PREX1: variants seen among roughly 807,000 people sequenced by gnomAD.
PREX1 encodes phosphatidylinositol 3,4,5-trisphosphate-dependent Rac exchanger 1 protein.
PREX1 carries 41 observed loss-of-function variants against 198.3 expected under a neutral mutation model. The observed-to-expected ratio is 0.21, with a 90% CI of 0.16 to 0.27. PREX1 has a LOEUF of 0.27. Among genes scored for constraint, PREX1 ranks in the 10% least tolerant of loss-of-function variants. The probability of loss-of-function intolerance (pLI) is 1.00; values close to 1 mark genes in which losing one functional copy is unlikely to be tolerated. For synonymous variants in PREX1, 843 were observed against 887.2 expected, an observed-to-expected ratio of 0.95 and a Z score of 0.89; for missense variants, 1,620 against 2,200.7, an observed-to-expected ratio of 0.74 and a Z score of 5.28.
intron 3 of PREX1, among the ~76,000 whole-genome samples, chr20:48,737,963 GT>G (rs1334408843): frequency 6.6e-6 from 1 of 152,178 alleles, no homozygotes; most frequent in African/African-American, 2.4e-5. Flanking sequence ...TCCTGTATTT[GT>G]TTAAGCCTAT....
chr20:48,760,541 G>T (rs969180253), intron 1 of PREX1, among the ~76,000 whole-genome samples: 4 of 152,222 alleles, frequency 2.6e-5, no homozygotes, highest in Admixed American at 6.5e-5. Context: ...AACAAAAAGG[G>T]GGGGAGGAGT....
At chr20:48,628,488 A>C (rs1042560841) in intron 37 of PREX1, among the ~76,000 whole-genome samples, 2 of 152,138 alleles carry the variant, frequency 1.3e-5, no homozygotes, top group African/African-American at 4.8e-5. Flanking sequence ...ATTAACTATG[A>C]AACAGGGAGC....
intron 1 of PREX1, among the ~76,000 whole-genome samples, chr20:48,815,768 T>C (rs575245372): frequency 8.6e-4 from 130 of 151,658 alleles, no homozygotes; most frequent in African/African-American, 3.0e-3. Flanking sequence ...ACTTTGGGAG[T>C]CAGCCGAGTG....
the PREX1 span, among the ~76,000 whole-genome samples, chr20:48,882,197 T>A: frequency 6.6e-6 from 1 of 152,064 alleles, no homozygotes; most frequent in Non-Finnish European, 1.5e-5. Context: ...GTATTATGAA[T>A]TATGTTGTTA....
chr20:48,849,907 G>A, the PREX1 span, among the ~76,000 whole-genome samples: 1 of 152,102 alleles, frequency 6.6e-6, no homozygotes, highest in East Asian at 1.9e-4. Flanking sequence ...AGTTGTAGTG[G>A]GGTGGTTATG....
chr20:48,699,867 C>T (rs1358040070), intron 7 of PREX1, among the ~76,000 whole-genome samples: 7 of 152,188 alleles, frequency 4.6e-5, no homozygotes, highest in Non-Finnish European at 1.5e-5. Flanking sequence ...ATCTATTCCT[C>T]CATCCAGCCA....
intron 6 of PREX1, among the ~76,000 whole-genome samples, chr20:48,706,599 G>A (rs189475107): frequency 1.3e-5 from 2 of 152,224 alleles, no homozygotes; most frequent in Admixed American, 6.5e-5. Context: ...TGTCTCCTCC[G>A]GTTTTGAACA....
At chr20:48,667,982 G>A (rs192518637) in intron 14 of PREX1, among the ~76,000 whole-genome samples, 17 of 152,276 alleles carry the variant, frequency 1.1e-4, no homozygotes, top group Middle Eastern at 6.8e-3. Flanking sequence ...AGCATTTCCC[G>A]GTGCCAGTTC....
intron 9 of PREX1, among the ~76,000 whole-genome samples, chr20:48,689,775 G>A (rs1018812048): frequency 2.0e-5 from 3 of 152,216 alleles, no homozygotes; most frequent in Non-Finnish European, 2.9e-5. Context: ...TTGGTGCAAC[G>A]TTTAGGATCA....
At chr20:48,803,095 A>G (rs77303587) in intron 1 of PREX1, among the ~76,000 whole-genome samples, 8,488 of 152,316 alleles carry the variant, frequency 0.056, 312 homozygotes, top group African/African-American at 0.094. Context: ...CAGGTAGTTC[A>G]GAGGTATAGT....
intron 10 of PREX1, among the ~76,000 whole-genome samples, chr20:48,687,776 C>A (rs1318139062): frequency 6.6e-6 from 1 of 152,192 alleles, no homozygotes; most frequent in Non-Finnish European, 1.5e-5. Flanking sequence ...CTACCTCTCC[C>A]GTGCCCCAGC....
intron 1 of PREX1, among the ~76,000 whole-genome samples, chr20:48,767,377 A>G (rs2090213533): frequency 6.6e-6 from 1 of 152,096 alleles, no homozygotes; most frequent in Non-Finnish European, 1.5e-5. Context: ...GAGAAGCATG[A>G]AGAAGCCCCC....
At chr20:48,645,703 T>A (rs1348920679) in intron 26 of PREX1, 148 bp downstream of exon 26, 2 of 899,182 alleles carry the variant, frequency 2.2e-6, no homozygotes, top group Non-Finnish European at 3.3e-6. Context: ...TCTCAGATAA[T>A]CCCCCAGAAC....
At chr20:48,631,140 T>C (rs993940853) in intron 35 of PREX1, among the ~76,000 whole-genome samples, 5 of 152,236 alleles carry the variant, frequency 3.3e-5, no homozygotes. Flanking sequence ...ACTGGTTTAC[T>C]GTTCGTCTCC....
intron 10 of PREX1, among the ~76,000 whole-genome samples, chr20:48,687,588 G>C (rs1042682573): frequency 1.3e-5 from 2 of 152,184 alleles, no homozygotes; most frequent in Non-Finnish European, 2.9e-5. Flanking sequence ...AGGGAAGTTG[G>C]GGGGAGTTTA....
At chr20:48,878,629 C>T in the PREX1 span, among the ~76,000 whole-genome samples, 4 of 152,322 alleles carry the variant, frequency 2.6e-5, no homozygotes, top group East Asian at 1.9e-4. Flanking sequence ...TGAGCCACCG[C>T]GCCCGGCCAC....
chr20:48,758,352 G>C (rs1166914013), intron 1 of PREX1, among the ~76,000 whole-genome samples: 1 of 152,198 alleles, frequency 6.6e-6, no homozygotes, highest in African/African-American at 2.4e-5. Context: ...AGCAGACAAA[G>C]CCATCAGGCA....
intron 5 of PREX1, among the ~76,000 whole-genome samples, chr20:48,711,840 G>A (rs986682436): frequency 4.6e-5 from 7 of 152,320 alleles, no homozygotes; most frequent in African/African-American, 9.6e-5. Context: ...TGGATGGGGC[G>A]CGAGCAGAAG....
chr20:48,734,798 G>T (rs1341837327), intron 3 of PREX1, 148 bp from the exon 4 acceptor site: 2 of 623,828 alleles, frequency 3.2e-6, no homozygotes, highest in African/African-American at 3.7e-5. Flanking sequence ...AGGTAAAGCG[G>T]CTCCACTCAC....
Sources: gnomAD v4.1 joint callset for allele counts (sites outside exome capture counted in the v4.1 genomes callset) on GRCh38, gnomAD v4.1.1 for gene constraint, MANE v1.5 for transcripts, NCBI Gene and HGNC (gene_info 2026-07-23, HGNC 2026-07-21) for gene names.